QTMAN: variants seen among roughly 807,000 people sequenced by gnomAD.
QTMAN encodes tRNA-queuosine alpha-mannosyltransferase.
At chr2:144,105,117 C>A in the QTMAN span, among the ~76,000 whole-genome samples, 1 of 152,204 alleles carries the variant, frequency 6.6e-6, no homozygotes, top group Non-Finnish European at 1.5e-5. Context: ...ACATTACCAT[C>A]ATCAAAGATC....
At chr2:143,971,186 C>T in the QTMAN span, among the ~76,000 whole-genome samples, 1 of 151,620 alleles carries the variant, frequency 6.6e-6, no homozygotes, top group Non-Finnish European at 1.5e-5. Context: ...TGAGAATGTA[C>T]CAAAGATGCT....
the QTMAN span, among the ~76,000 whole-genome samples, chr2:144,039,713 T>C: frequency 6.6e-6 from 1 of 152,150 alleles, no homozygotes; most frequent in African/African-American, 2.4e-5. Context: ...TTTGAGTCAC[T>C]CCTATTTTTA....
At chr2:144,105,097 C>T in the QTMAN span, among the ~76,000 whole-genome samples, 1 of 152,192 alleles carries the variant, frequency 6.6e-6, no homozygotes, top group Non-Finnish European at 1.5e-5. Flanking sequence ...CACAGCAAAA[C>T]ACCACCTGTA....
At chr2:144,215,459 A>G in the QTMAN span, among the ~76,000 whole-genome samples, 1 of 152,090 alleles carries the variant, frequency 6.6e-6, no homozygotes, top group African/African-American at 2.4e-5. Context: ...TTGTTTTCAA[A>G]TATGCACAAT....
the QTMAN span, among the ~76,000 whole-genome samples, chr2:144,265,100 A>G: frequency 6.6e-6 from 1 of 152,248 alleles, no homozygotes; most frequent in Non-Finnish European, 1.5e-5. Flanking sequence ...ACACACTGAC[A>G]AACATATATA....
At chr2:144,307,188 TAAAAAAAAA>T in the QTMAN span, among the ~76,000 whole-genome samples, 1 of 81,272 alleles carries the variant, frequency 1.2e-5, no homozygotes, top group South Asian at 3.8e-4. Flanking sequence ...AAAAAACAAT[TAAAAAAAAA>T]AAAAAGAAAA....
chr2:143,992,147 A>G, the QTMAN span, among the ~76,000 whole-genome samples: 1 of 151,756 alleles, frequency 6.6e-6, no homozygotes, highest in African/African-American at 2.4e-5. Flanking sequence ...GTCTGTGTGG[A>G]AAGAAGTAGA....
At chr2:144,098,513 G>A in the QTMAN span, among the ~76,000 whole-genome samples, 1 of 151,912 alleles carries the variant, frequency 6.6e-6, no homozygotes, top group Non-Finnish European at 1.5e-5. Context: ...TCAGAAATTC[G>A]AGACCAGCCT....
chr2:144,270,875 CA>C, the QTMAN span, among the ~76,000 whole-genome samples: 1 of 152,064 alleles, frequency 6.6e-6, no homozygotes, highest in Non-Finnish European at 1.5e-5. Context: ...CACTTAAATG[CA>C]AATTGGATGA....
chr2:144,061,636 C>G, the QTMAN span, among the ~76,000 whole-genome samples: 4 of 152,138 alleles, frequency 2.6e-5, no homozygotes, highest in Admixed American at 1.3e-4. Flanking sequence ...GAAGTAGGTA[C>G]TATTAATGCT....
At chr2:144,204,908 C>A in the QTMAN span, among the ~76,000 whole-genome samples, 6 of 146,562 alleles carry the variant, frequency 4.1e-5, no homozygotes, top group South Asian at 1.3e-3. Flanking sequence ...AAATCAAACA[C>A]TGCATGTTCT....
At chr2:144,277,651 A>G in the QTMAN span, among the ~76,000 whole-genome samples, 1 of 152,100 alleles carries the variant, frequency 6.6e-6, no homozygotes, top group Non-Finnish European at 1.5e-5. Context: ...CTTCACCTAC[A>G]AAATTTTTTT....
chr2:144,136,389 AAAAGGAAAAGGAAAGG>A, the QTMAN span, among the ~76,000 whole-genome samples: 11 of 80,762 alleles, frequency 1.4e-4, no homozygotes, highest in South Asian at 8.4e-4. Context: ...AAGGAAAAGG[AAAAGGAAAAGGAAAGG>A]AAAGGAAAGG....
the QTMAN span, among the ~76,000 whole-genome samples, chr2:144,064,043 C>T: frequency 6.6e-6 from 1 of 152,056 alleles, no homozygotes; most frequent in African/African-American, 2.4e-5. Context: ...AAAAGAGTCC[C>T]TTTTTCAGTC....
chr2:144,330,156 T>C, the QTMAN span, among the ~76,000 whole-genome samples: 2 of 152,228 alleles, frequency 1.3e-5, no homozygotes, highest in Non-Finnish European at 1.5e-5. Context: ...ATGCATCACA[T>C]GACATTTCAG....
chr2:144,271,659 A>C, the QTMAN span, among the ~76,000 whole-genome samples: 1 of 152,260 alleles, frequency 6.6e-6, no homozygotes, highest in African/African-American at 2.4e-5. Context: ...TTTAAAAAAC[A>C]TTTCAGTACC....
chr2:144,233,499 C>T, the QTMAN span, among the ~76,000 whole-genome samples: 1 of 152,172 alleles, frequency 6.6e-6, no homozygotes, highest in Admixed American at 6.5e-5. Context: ...GGCTGCCTGC[C>T]TTCCTTCGGT....
At chr2:144,101,394 T>TCTCTCTCTCACACACA in the QTMAN span, among the ~76,000 whole-genome samples, 10 of 150,234 alleles carry the variant, frequency 6.7e-5, no homozygotes, top group African/African-American at 1.5e-4. Flanking sequence ...TATCTCTCTC[T>TCTCTCTCTCACACACA]CACACACACA....
chr2:144,152,220 A>G, the QTMAN span, among the ~76,000 whole-genome samples: 1 of 152,186 alleles, frequency 6.6e-6, no homozygotes, highest in Non-Finnish European at 1.5e-5. Flanking sequence ...ACCTGTCAAG[A>G]AGGTAGGGAA....
Sources: gnomAD v4.1 joint callset for allele counts (sites outside exome capture counted in the v4.1 genomes callset) on GRCh38, gnomAD v4.1.1 for gene constraint, MANE v1.5 for transcripts, NCBI Gene and HGNC (gene_info 2026-07-23, HGNC 2026-07-21) for gene names.